GATAD2A: variants seen among roughly 807,000 people sequenced by gnomAD.
GATAD2A encodes the protein GATA zinc finger domain containing 2A.
A neutral mutation model predicts 68.5 loss-of-function variants in GATAD2A; 12 were observed. That is an observed-to-expected ratio of 0.18 (90% CI 0.11 to 0.28). The LOEUF is 0.28. Ranked by LOEUF, GATAD2A falls within the 10% of genes least tolerant of loss-of-function variation. GATAD2A has a pLI of 1.00. For missense variants in GATAD2A, 755 were observed against 868.5 expected (o/e 0.87, Z 1.64); for synonymous variants, 410 against 375.3 (o/e 1.09, Z -1.07).
At chr19:19,471,923 T>A (rs939746881) in intron 2 of GATAD2A, among the ~76,000 whole-genome samples, 2 of 151,700 alleles carry the variant, frequency 1.3e-5, no homozygotes, top group African/African-American at 2.4e-5. Context: ...TTGGAGTTGG[T>A]CTTGCACTGT....
Position 19,465,269 on chromosome 19 carries a change from G to C in GATAD2A, c.-6-71G>C, listed in dbSNP as rs997801430. The C allele has an allele frequency of 2.1e-5, 25 of 1,191,014 alleles. No homozygotes were observed. The African/African-American group carries it at 3.6e-4, about 17-fold the overall frequency. 73.8% of individuals were successfully genotyped at this position (1,191,014 alleles called of 1,614,324 possible). The stretch of plus-strand genomic sequence containing the variant: ...GGAGGAAAACACTGAAAGCAACACT[G>C]AAAAGTCTCCAAGAAGGTGGCACCT... On this transcript the variant is annotated intron_variant, in intron 1 of 11. Coordinates refer to ENST00000683918, the MANE Select transcript of GATAD2A (RefSeq NM_001384528.1).
At chr19:19,441,151 T>G (rs1328377834) in intron 1 of GATAD2A, among the ~76,000 whole-genome samples, 1 of 151,438 alleles carries the variant, frequency 6.6e-6, no homozygotes, top group Non-Finnish European at 1.5e-5. Context: ...CAAGTGATTC[T>G]CCTGCTTCAG....
Position 19,507,039 on chromosome 19 carries a change from G to A in GATAD2A, c.*1565G>A, listed in dbSNP as rs1355142649. ...AAACTTTTTTTGACACAGCATAGAAGACCTAGTTTTGGAAAACATTATCTA... is the reference window on the plus strand; with the variant it reads ...AAACTTTTTTTGACACAGCATAGAAAACCTAGTTTTGGAAAACATTATCTA... On this transcript the variant is annotated 3_prime_UTR_variant, in exon 12 of 12. Coordinates refer to ENST00000683918, the MANE Select transcript of GATAD2A (RefSeq NM_001384528.1). 2 of 151,104 alleles carry A rather than the reference G, an allele frequency of 1.3e-5. No individual in the cohort carries two copies. Among genetic ancestry groups the A allele is most frequent in the East Asian group, 1.9e-4 (1 of 5,194 alleles). 9.4% of individuals were successfully genotyped at this position (151,104 alleles called of 1,614,324 possible). A position where few individuals can be genotyped will look rare whatever the true frequency, so the allele number is the denominator to read the frequency against.
At chr19:19,457,816 G>A (rs576297274) in intron 1 of GATAD2A, among the ~76,000 whole-genome samples, 24 of 152,106 alleles carry the variant, frequency 1.6e-4, no homozygotes, top group African/African-American at 5.8e-4. Context: ...CCTAGACAGA[G>A]GCATGGTAGC....
intron 1 of GATAD2A, among the ~76,000 whole-genome samples, chr19:19,438,805 A>C (rs2147596561): frequency 6.6e-6 from 1 of 152,336 alleles, no homozygotes; most frequent in Non-Finnish European, 1.5e-5. Context: ...GTGGCACATG[A>C]TACTTAGTGG....
At chr19:19,484,769 G>A (rs1347263110) in intron 2 of GATAD2A, among the ~76,000 whole-genome samples, 4 of 152,194 alleles carry the variant, frequency 2.6e-5, no homozygotes, top group South Asian at 2.1e-4. Context: ...TCGTGACCTC[G>A]TGATCCGCCC....
At chr19:19,466,862 A>G (rs559312219) in intron 2 of GATAD2A, among the ~76,000 whole-genome samples, 2 of 152,342 alleles carry the variant, frequency 1.3e-5, no homozygotes, top group South Asian at 2.1e-4. Context: ...GTTTTCAGCC[A>G]GAGACCAGTC....
chr19:19,502,176 C>G (rs1185250255), intron 10 of GATAD2A, 133 bp downstream of exon 10: 2 of 874,910 alleles, frequency 2.3e-6, no homozygotes, highest in African/African-American at 1.7e-5. Flanking sequence ...CTCCCCCACC[C>G]CTCTGTGTAA....
chr19:19,458,946 T>C (rs1339387771), intron 1 of GATAD2A, among the ~76,000 whole-genome samples: 2 of 152,116 alleles, frequency 1.3e-5, no homozygotes, highest in Non-Finnish European at 2.9e-5. Flanking sequence ...CTGGATGAGG[T>C]ACTGTCTTTC....
intron 1 of GATAD2A, among the ~76,000 whole-genome samples, chr19:19,454,732 C>CCCA (rs1464641341): frequency 7.8e-6 from 1 of 127,722 alleles, no homozygotes; most frequent in Non-Finnish European, 1.7e-5. Context: ...CACTGTGCCC[C>CCCA]CCCCCACCCC....
intron 1 of GATAD2A, among the ~76,000 whole-genome samples, chr19:19,416,325 T>C (rs1317689813): frequency 2.0e-5 from 3 of 152,136 alleles, no homozygotes; most frequent in Non-Finnish European, 4.4e-5. Flanking sequence ...GTTAAGGAAA[T>C]TGAACATGTT....
chr19:19,449,725 G>A (rs2056165325), intron 1 of GATAD2A, among the ~76,000 whole-genome samples: 1 of 152,150 alleles, frequency 6.6e-6, no homozygotes, highest in African/African-American at 2.4e-5. Flanking sequence ...CAGCCCAGGA[G>A]GTCGAAGCTA....
chr19:19,494,330 C>T lies in GATAD2A; in HGVS notation c.571C>T (p.Pro191Ser), dbSNP rs1181821064. 3 of 1,612,966 alleles carry T rather than the reference C, an allele frequency of 1.9e-6. No homozygotes were observed. Among genetic ancestry groups the T allele is most frequent in the Admixed American group, 1.7e-5 (1 of 60,016 alleles). ...GSVGSTVTTPPPLVRGTQNIP... is the reference protein window; with the variant it reads ...GSVGSTVTTPSPLVRGTQNIP... ...TGTTGGGAGCACCGTGACCACCCCT[C>T]CCCCGCTTGTTCGGGGCACTCAGAA... Residue 191 changes from proline to serine, a missense_variant, in exon 5 of 12, where the codon CCC becomes TCC. Coordinates refer to ENST00000683918, the MANE Select transcript of GATAD2A (RefSeq NM_001384528.1).
At chr19:19,483,585 G>A (rs1483541080) in intron 2 of GATAD2A, among the ~76,000 whole-genome samples, 1 of 152,016 alleles carries the variant, frequency 6.6e-6, no homozygotes, top group Non-Finnish European at 1.5e-5. Context: ...GGGGTGACTC[G>A]GGAGGACACC....
intron 1 of GATAD2A, among the ~76,000 whole-genome samples, chr19:19,460,342 T>C (rs901440748): frequency 1.3e-5 from 2 of 152,204 alleles, no homozygotes; most frequent in African/African-American, 2.4e-5. Context: ...GGTGGGCACC[T>C]GGGCGCAGGC....
intron 1 of GATAD2A, among the ~76,000 whole-genome samples, chr19:19,390,305 G>A (rs757826362): frequency 2.6e-5 from 4 of 152,054 alleles, no homozygotes; most frequent in Non-Finnish European, 5.9e-5. Context: ...ATGAATGAAT[G>A]AATCCGAGAT....
At chr19:19,445,644 T>C (rs919239085) in intron 1 of GATAD2A, among the ~76,000 whole-genome samples, 2 of 152,254 alleles carry the variant, frequency 1.3e-5, no homozygotes, top group African/African-American at 4.8e-5. Context: ...TTGCCTCTTC[T>C]GGCATTTCAT....
chr19:19,433,137 G>A (rs776385793), intron 1 of GATAD2A, among the ~76,000 whole-genome samples: 5 of 152,206 alleles, frequency 3.3e-5, no homozygotes, highest in Non-Finnish European at 5.9e-5. Flanking sequence ...CTTGCCAGTT[G>A]CACTGTAGGT....
At chr19:19,389,608 G>T (rs1262076918) in intron 1 of GATAD2A, among the ~76,000 whole-genome samples, 1 of 152,182 alleles carries the variant, frequency 6.6e-6, no homozygotes, top group Non-Finnish European at 1.5e-5. Context: ...CAGGCAGGAG[G>T]CTGCTGCAGA....
Sources: allele counts gnomAD v4.1 joint callset (sites outside exome capture counted in the v4.1 genomes callset), GRCh38; gene constraint gnomAD v4.1.1; transcripts MANE v1.5; gene names NCBI Gene and HGNC (gene_info 2026-07-23, HGNC 2026-07-21).